PYHIN1: variants seen among roughly 807,000 people sequenced by gnomAD.
PYHIN1 encodes the protein pyrin and HIN domain family member 1.
Under a neutral mutation model 43.7 loss-of-function variants are expected in PYHIN1, and 32 were observed. The ratio of observed to expected loss-of-function variants is 0.73; its 90% CI spans 0.55 to 0.98. The LOEUF (loss-of-function observed/expected upper bound fraction) is 0.98, where lower values mean the gene tolerates loss of function less well. Among genes scored for constraint, PYHIN1 ranks in the 50% least tolerant of loss-of-function variants. The pLI is 0.00. For synonymous variants in PYHIN1, 205 were observed against 203.1 expected, an observed-to-expected ratio of 1.01 and a Z score of -0.08; for missense variants, 588 against 589.5, an observed-to-expected ratio of 1.00 and a Z score of 0.03.
chr1:158,935,268 T>C (rs992748021), intron 1 of PYHIN1, among the ~76,000 whole-genome samples: 2 of 135,508 alleles, frequency 1.5e-5, no homozygotes, highest in Admixed American at 7.6e-5. Flanking sequence ...AAATGTAAGA[T>C]ATAAGGAACA....
At chr1:158,947,584 C>T (rs1316270253) in intron 7 of PYHIN1, among the ~76,000 whole-genome samples, 1 of 152,202 alleles carries the variant, frequency 6.6e-6, no homozygotes, top group Non-Finnish European at 1.5e-5. Context: ...GACCCTGACC[C>T]AACAACAGAT....
chr1:158,939,052 AT>A, intron 3 of PYHIN1, 27 bp from the exon 4 acceptor site: 2 of 1,522,104 alleles, frequency 1.3e-6, no homozygotes, highest in Non-Finnish European at 1.8e-6. Context: ...ACTGAAAGTA[AT>A]TAACAAGAAA....
intron 7 of PYHIN1, among the ~76,000 whole-genome samples, chr1:158,946,845 T>C (rs1022904249): frequency 2.4e-4 from 37 of 152,310 alleles, no homozygotes; most frequent in African/African-American, 8.4e-4. Flanking sequence ...GTGACTCATA[T>C]TGAAAATTAT....
chr1:158,988,879 C>T, the PYHIN1 span, among the ~76,000 whole-genome samples: 3 of 152,164 alleles, frequency 2.0e-5, no homozygotes, highest in Non-Finnish European at 2.9e-5. Context: ...AGACACACCC[C>T]CACTGGGGCT....
the PYHIN1 span, among the ~76,000 whole-genome samples, chr1:158,988,553 G>A: frequency 4.6e-5 from 7 of 152,138 alleles, no homozygotes; most frequent in African/African-American, 1.4e-4. Flanking sequence ...GTCTCAGGTG[G>A]AGATGAGGTA....
chr1:158,974,598 G>A lies in PYHIN1; in HGVS notation c.*5+827G>A, dbSNP rs1200517274. Among the ~76,000 whole-genome samples, 3 of 152,004 alleles carry A rather than the reference G, an allele frequency of 2.0e-5. No individual in the cohort carries two copies. In the East Asian group the frequency reaches 5.8e-4, roughly 29 times the overall value. On this transcript the variant is annotated intron_variant, in intron 8 of 8. Coordinates refer to ENST00000368140, the MANE Select transcript of PYHIN1 (RefSeq NM_152501.5). The stretch of plus-strand genomic sequence containing the variant: ...AGGTGATGAAAGAGAAAGGCAAGAG[G>A]AGAATCATGTCACCACTCTTTTAGT...
intron 7 of PYHIN1, among the ~76,000 whole-genome samples, chr1:158,970,938 A>G (rs1165532845): frequency 6.6e-6 from 1 of 152,060 alleles, no homozygotes; most frequent in Admixed American, 6.6e-5. Context: ...GCTAATAAAG[A>G]TAATTAGTAT....
At chr1:158,953,092 C>T (rs575411673) in intron 7 of PYHIN1, among the ~76,000 whole-genome samples, 11 of 152,184 alleles carry the variant, frequency 7.2e-5, no homozygotes, top group East Asian at 3.9e-4. Flanking sequence ...CACCTGGCTC[C>T]GAGGGTCCTA....
chr1:158,970,546 G>A (rs1387929899), intron 7 of PYHIN1, among the ~76,000 whole-genome samples: 1 of 151,868 alleles, frequency 6.6e-6, no homozygotes, highest in Non-Finnish European at 1.5e-5. Flanking sequence ...GATCTTATCA[G>A]TTTTGACTTA....
At chr1:158,953,825 C>T (rs953692002) in intron 7 of PYHIN1, among the ~76,000 whole-genome samples, 6 of 151,368 alleles carry the variant, frequency 4.0e-5, no homozygotes, top group African/African-American at 1.5e-4. Context: ...GACATTCAAA[C>T]CAAAGGCAAA....
intron 7 of PYHIN1, among the ~76,000 whole-genome samples, chr1:158,970,738 A>G (rs1490543893): frequency 6.6e-6 from 1 of 151,946 alleles, no homozygotes; most frequent in African/African-American, 2.4e-5. Context: ...CAAACACTGC[A>G]TATACTATAA....
At chr1:158,988,598 G>A in the PYHIN1 span, among the ~76,000 whole-genome samples, 479 of 152,292 alleles carry the variant, frequency 3.1e-3, 2 homozygotes, top group Non-Finnish European at 5.2e-3. Flanking sequence ...TATATAGTGA[G>A]AGAGGACTTG....
At chr1:158,966,557 G>A (rs1650645023) in intron 7 of PYHIN1, among the ~76,000 whole-genome samples, 1 of 151,730 alleles carries the variant, frequency 6.6e-6, no homozygotes, top group African/African-American at 2.4e-5. Flanking sequence ...GGAATACAAA[G>A]TTACATATAC....
the PYHIN1 span, among the ~76,000 whole-genome samples, chr1:158,987,114 T>C: frequency 6.6e-6 from 1 of 152,346 alleles, no homozygotes; most frequent in Admixed American, 6.5e-5. Context: ...ATCCTAACAG[T>C]TGTGAGGTGA....
chr1:158,955,421 T>A (rs1166690099), intron 7 of PYHIN1, among the ~76,000 whole-genome samples: 1 of 150,598 alleles, frequency 6.6e-6, no homozygotes, highest in Non-Finnish European at 1.5e-5. Context: ...CACAGTGCAA[T>A]CAAACTAGAA....
At chr1:158,981,917 T>G (rs1651496596), downstream of PYHIN1, among the ~76,000 whole-genome samples, 1 of 152,218 alleles carries the variant, frequency 6.6e-6, no homozygotes, top group Admixed American at 6.5e-5. Context: ...ATTTTTCACA[T>G]GCTTGTTAGT....
chr1:158,951,210 T>A (rs191442268), intron 7 of PYHIN1, among the ~76,000 whole-genome samples: 1 of 152,258 alleles, frequency 6.6e-6, no homozygotes, highest in Admixed American at 6.5e-5. Context: ...GTGGAAAAAT[T>A]GATGCCATTA....
chr1:158,939,134 A>G lies in PYHIN1; in HGVS notation c.466A>G (p.Lys156Glu). ...ETGTKRSKMS[K>E]EQTRPSCSAG... ...TGGAACCAAAAGGAGTAAGATGTCC[A>G]AAGAGCAGACTCGGCCTTCCTGCTC... The change falls in exon 4 of 9, where the codon AAA (lysine) becomes GAA (glutamate). Residue 156 changes from lysine (K) to glutamate (E), a missense_variant. Physicochemically the swap from Lys to Glu is moderately conservative, Grantham distance 56 (BLOSUM62 1). Coordinates refer to ENST00000368140, the MANE Select transcript of PYHIN1 (RefSeq NM_152501.5). 3 of 1,612,908 alleles carry G rather than the reference A, an allele frequency of 1.9e-6. No individual in the cohort carries two copies. Among genetic ancestry groups the G allele is most frequent in the Non-Finnish European group, 2.5e-6 (3 of 1,179,690 alleles).
chr1:158,944,010 CA>C, intron 6 of PYHIN1, 32 bp downstream of exon 6: 2 of 1,524,840 alleles, frequency 1.3e-6, no homozygotes, highest in Non-Finnish European at 1.8e-6. Context: ...ATTAGTTTTC[CA>C]AAGATGAAAA....
Sources: allele counts gnomAD v4.1 joint callset (sites outside exome capture counted in the v4.1 genomes callset), GRCh38; gene constraint gnomAD v4.1.1; transcripts MANE v1.5; gene names NCBI Gene and HGNC (gene_info 2026-07-23, HGNC 2026-07-21).